FSTL5: variants seen among roughly 807,000 people sequenced by gnomAD.
The protein encoded by FSTL5 is follistatin like 5, also known as follistatin-related protein 5.
Under a neutral mutation model 89.1 loss-of-function variants are expected in FSTL5, and 62 were observed. The observed-to-expected ratio is 0.70, with a 90% CI of 0.57 to 0.86. The LOEUF (loss-of-function observed/expected upper bound fraction) is 0.86, where lower values mean the gene tolerates loss of function less well. Among genes scored for constraint, FSTL5 ranks in the 40% least tolerant of loss-of-function variants. The probability of loss-of-function intolerance (pLI) is 0.00; values close to 1 mark genes in which losing one functional copy is unlikely to be tolerated. For synonymous variants in FSTL5, 383 were observed against 346.2 expected (o/e 1.11, Z -1.18); for missense variants, 1,057 against 1,001.6 (o/e 1.06, Z -0.75).
In FSTL5 at chr4:161,431,797, A is replaced by G. The variant is rs114181876; in HGVS notation, c.1841+23207T>C. 6.8e-3 allele frequency among the ~76,000 whole-genome samples: 1,031 copies of G among 152,264 alleles called. 13 individuals carry two copies. Among genetic ancestry groups the G allele is most frequent in the African/African-American group, 0.024 (1,001 of 41,568 alleles). On this transcript the variant is annotated intron_variant, in intron 15 of 15. Coordinates refer to ENST00000306100, the MANE Select transcript of FSTL5 (RefSeq NM_020116.5). ...AGATATTTTCTGCCAATGGAAACCAATAAAAGAACAGCAGTAGCTAAACTT... is the reference window on the plus strand; with the variant it reads ...AGATATTTTCTGCCAATGGAAACCAGTAAAAGAACAGCAGTAGCTAAACTT...
chr4:161,698,556 T>G (rs1738267272), intron 6 of FSTL5, among the ~76,000 whole-genome samples: 1 of 152,202 alleles, frequency 6.6e-6, no homozygotes, highest in African/African-American at 2.4e-5. Flanking sequence ...CAACAGCTGA[T>G]AGCTAAACCT....
intron 1 of FSTL5, among the ~76,000 whole-genome samples, chr4:162,116,196 G>C (rs2111420190): frequency 6.6e-6 from 1 of 152,326 alleles, no homozygotes; most frequent in Middle Eastern, 3.4e-3. Context: ...CAAAGCAGCA[G>C]TGCACTGTGA....
chr4:162,018,709 A>G (rs1264282369), intron 3 of FSTL5, among the ~76,000 whole-genome samples: 1 of 152,052 alleles, frequency 6.6e-6, no homozygotes, highest in Non-Finnish European at 1.5e-5. Context: ...AGTTCCAGAA[A>G]ACTTGAGAAA....
intron 6 of FSTL5, among the ~76,000 whole-genome samples, chr4:161,753,243 A>G (rs900712028): frequency 2.0e-5 from 3 of 152,178 alleles, no homozygotes; most frequent in Non-Finnish European, 4.4e-5. Context: ...TTTTTTAAAA[A>G]TATACCAACA....
At chr4:161,843,825 A>T (rs1360762776) in intron 4 of FSTL5, among the ~76,000 whole-genome samples, 1 of 152,188 alleles carries the variant, frequency 6.6e-6, no homozygotes. Context: ...CGTAAGTCCT[A>T]AAACCATAAA....
intron 1 of FSTL5, among the ~76,000 whole-genome samples, chr4:162,144,441 G>A (rs912189137): frequency 6.6e-6 from 1 of 152,048 alleles, no homozygotes; most frequent in African/African-American, 2.4e-5. Flanking sequence ...GTTACTATTT[G>A]AGCTTCATTC....
chr4:161,497,236 G>C (rs993325057), intron 12 of FSTL5, among the ~76,000 whole-genome samples: 20 of 151,870 alleles, frequency 1.3e-4, no homozygotes, highest in African/African-American at 4.8e-4. Flanking sequence ...TTACATTAAG[G>C]AATGAAAAAT....
At chr4:161,943,464 C>A (rs60527169) in intron 3 of FSTL5, among the ~76,000 whole-genome samples, 2 of 132,016 alleles carry the variant, frequency 1.5e-5, no homozygotes, top group Non-Finnish European at 3.1e-5. Flanking sequence ...GTATTTAATT[C>A]TGATAAATTA....
In FSTL5 at chr4:161,990,485, T is replaced by C. The variant is rs1395040750; in HGVS notation, c.160+43140A>G. 5.3e-5 allele frequency among the ~76,000 whole-genome samples: 8 copies of C among 152,112 alleles called. 1 individual carries two copies. Among genetic ancestry groups the C allele is most frequent in the Admixed American group, 1.3e-4 (2 of 15,266 alleles). On this transcript the variant is annotated intron_variant, in intron 3 of 15. Coordinates refer to ENST00000306100, the MANE Select transcript of FSTL5 (RefSeq NM_020116.5). ...ACTACCTTTTAGATAATATGTCTAA[T>C]GATAAAATTATGGTAATACATAGCT...
intron 3 of FSTL5, among the ~76,000 whole-genome samples, chr4:161,992,938 ATATGTG>A (rs1736174485): frequency 9.1e-6 from 1 of 109,488 alleles, no homozygotes. Context: ...GTGTATATAT[ATATGTG>A]TGTATATCTA....
chr4:161,650,551 T>A (rs993328763), intron 7 of FSTL5, among the ~76,000 whole-genome samples: 1 of 152,112 alleles, frequency 6.6e-6, no homozygotes, highest in Non-Finnish European at 1.5e-5. Flanking sequence ...GAAATAATAT[T>A]TTGGGGAGCT....
intron 4 of FSTL5, among the ~76,000 whole-genome samples, chr4:161,814,197 G>A: frequency 6.6e-6 from 1 of 152,078 alleles, no homozygotes; most frequent in East Asian, 1.9e-4. Flanking sequence ...AATGAAAGTA[G>A]AGAGAAAATT....
intron 6 of FSTL5, among the ~76,000 whole-genome samples, chr4:161,711,666 T>C (rs995703202): frequency 6.6e-6 from 1 of 151,946 alleles, no homozygotes; most frequent in African/African-American, 2.4e-5. Context: ...TATTCAAAGA[T>C]AACAGAAGAA....
chr4:161,705,168 T>A (rs1738527997), intron 6 of FSTL5, among the ~76,000 whole-genome samples: 1 of 152,044 alleles, frequency 6.6e-6, no homozygotes, highest in African/African-American at 2.4e-5. Context: ...TTATTCATAT[T>A]TGCAATTCTA....
At chr4:161,752,692 CA>C (rs1740439373) in intron 6 of FSTL5, among the ~76,000 whole-genome samples, 1 of 152,116 alleles carries the variant, frequency 6.6e-6, no homozygotes, top group Non-Finnish European at 1.5e-5. Context: ...TGTTAAAATG[CA>C]TTTCAGTTTT....
chr4:161,422,217 T>C (rs1298956419), intron 15 of FSTL5, among the ~76,000 whole-genome samples: 1 of 152,108 alleles, frequency 6.6e-6, no homozygotes, highest in African/African-American at 2.4e-5. Flanking sequence ...TTTCATTTTT[T>C]ATTAATATCT....
chr4:162,124,222 T>C (rs1302163663), intron 1 of FSTL5, among the ~76,000 whole-genome samples: 1 of 152,208 alleles, frequency 6.6e-6, no homozygotes, highest in Non-Finnish European at 1.5e-5. Flanking sequence ...AGCTATTACA[T>C]TGAATTTAAG....
At position 161,720,204 on chromosome 4, in the gene FSTL5, CAAAA is replaced by C. The variant is rs34684242; in HGVS notation, c.727+39203_727+39206del. 3.0e-4 allele frequency among the ~76,000 whole-genome samples: 42 copies of C among 142,076 alleles called. 1 individual carries two copies. Among genetic ancestry groups the C allele is most frequent in the South Asian group, 2.4e-3 (11 of 4,532 alleles). The allele number at this position is 142,076 out of a possible 152,430, so 93.2% of individuals were successfully genotyped here. ...ATAATGAAGCCCTACAACACAATAG[CAAAA>C]AAAAAAAAAAAATCCAATTAAAAGA... is the stretch of plus-strand genomic sequence containing the variant. On this transcript the variant is annotated intron_variant, in intron 6 of 15. Coordinates refer to ENST00000306100, the MANE Select transcript of FSTL5 (RefSeq NM_020116.5).
At chr4:161,967,756 G>A (rs1204866319) in intron 3 of FSTL5, among the ~76,000 whole-genome samples, 2 of 151,824 alleles carry the variant, frequency 1.3e-5, no homozygotes, top group Non-Finnish European at 2.9e-5. Flanking sequence ...TAGGTTTAAA[G>A]AGCTTTCTGT....
Sources: allele counts gnomAD v4.1 joint callset (sites outside exome capture counted in the v4.1 genomes callset), GRCh38; gene constraint gnomAD v4.1.1; transcripts MANE v1.5; gene names NCBI Gene and HGNC (gene_info 2026-07-23, HGNC 2026-07-21).